The following NCAN variants were observed in gnomAD, a reference collection of about 807,000 sequenced individuals.
NCAN encodes neurocan, also known as neurocan core protein.
Under a neutral mutation model 121.8 loss-of-function variants are expected in NCAN, and 47 were observed. The ratio of observed to expected loss-of-function variants is 0.39; its 90% CI spans 0.31 to 0.49. The LOEUF is 0.49. NCAN is among the 20% of genes least tolerant of loss of function. The probability of loss-of-function intolerance (pLI) is 0.92; values close to 1 mark genes in which losing one functional copy is unlikely to be tolerated. For synonymous variants in NCAN, 633 were observed against 702.0 expected (o/e 0.90, Z 1.55); for missense variants, 1,517 against 1,773.4 (o/e 0.86, Z 2.60).
chr19:19,224,427 C>G lies in NCAN; in HGVS notation c.772C>G (p.Leu258Val). ...LYDVYCFARE[L>V]GGEVFYVGPA... ...CGATGTGTATTGCTTTGCCCGGGAG[C>G]TGGGGGGTAAGTCTGGGACTGGCAG... Residue 258 changes from leucine to valine, a missense_variant, in exon 5 of 15, where the codon CTG becomes GTG. Physicochemically the swap from Leu to Val is conservative, Grantham distance 32. Transcript: ENST00000252575. The G allele has an allele frequency of 1.9e-6, 3 of 1,613,196 alleles. No homozygotes were observed. The highest frequency in any genetic ancestry group is 2.5e-6 in the Non-Finnish European group (3 of 1,179,468).
At chr19:19,224,911 A>G in intron 5 of NCAN, 66 bp from the exon 6 acceptor site, 1 of 1,309,800 alleles carries the variant, frequency 7.6e-7, no homozygotes, top group Non-Finnish European at 9.9e-7. Context: ...TTGGAGTTGG[A>G]CCCACTTCCT....
Position 19,224,901 on chromosome 19 carries a change from T to A in NCAN, c.779-76T>A, listed in dbSNP as rs1024011158. The A allele has an allele frequency of 7.9e-6, 10 of 1,258,642 alleles. No individual in the cohort carries two copies. In the Admixed American group the frequency reaches 3.6e-4, roughly 45 times the overall value. The allele number at this position is 1,258,642 out of a possible 1,614,324, so 78.0% of individuals were successfully genotyped here. On this transcript the variant is annotated intron_variant, in intron 5 of 14. Coordinates refer to ENST00000252575, the MANE Select transcript of NCAN (RefSeq NM_004386.3). ...CCTAACACGTCCAGGTCGGAACTAT[T>A]TGGAGTTGGACCCACTTCCTGGGCT...
chr19:19,223,872 C>G, intron 3 of NCAN, 149 bp from the exon 4 acceptor site: 1 of 643,656 alleles, frequency 1.6e-6, no homozygotes, highest in Non-Finnish European at 2.3e-6. Flanking sequence ...GCATATGGAT[C>G]TTGCTCCCCA....
Position 19,227,985 on chromosome 19 carries a change from G to C in NCAN, c.2365G>C (p.Gly789Arg). 1.9e-6 allele frequency: 3 copies of C among 1,613,492 alleles called. No individual in the cohort carries two copies. The highest frequency in any genetic ancestry group is 2.5e-6 in the Non-Finnish European group (3 of 1,179,990). The change falls in exon 8 of 15, where the codon GGG (glycine) becomes CGG (arginine). Residue 789 changes from glycine to arginine, a missense_variant. Gly to Arg is a moderately radical substitution (Grantham distance 125). Coordinates refer to ENST00000252575, the MANE Select transcript of NCAN (RefSeq NM_004386.3). This position sits in a 1 kb window ranked among gnomAD's most constrained non-coding sequence, Gnocchi z 4.2. Reference sequence around the variant, plus strand: ...CCCCTGGCCCTCAGTGTACAGCAAAGGGCTGGATGCAAGTTCCCCATCTGC... The same window carrying C: ...CCCCTGGCCCTCAGTGTACAGCAAACGGCTGGATGCAAGTTCCCCATCTGC... ...QDPWPSVYSK[G>R]LDASSPSAPL...
Position 19,224,249 on chromosome 19 carries a change from T to A in NCAN, c.650+54T>A, listed in dbSNP as rs185865300. On this transcript the variant is annotated intron_variant, in intron 4 of 14. Coordinates refer to ENST00000252575, the MANE Select transcript of NCAN (RefSeq NM_004386.3). Reference sequence around the variant, plus strand: ...GAAGACTAGCTCATGGGGAAGGAGGTTCCTTGGGGGCTCCAGGAGCACACA... The same window carrying A: ...GAAGACTAGCTCATGGGGAAGGAGGATCCTTGGGGGCTCCAGGAGCACACA... 42 of 1,592,542 alleles carry A rather than the reference T, an allele frequency of 2.6e-5. No individual in the cohort carries two copies. In the Admixed American group the frequency reaches 6.3e-4, roughly 24 times the overall value.
At chr19:19,239,107 C>A (rs530559910) in intron 11 of NCAN, among the ~76,000 whole-genome samples, 1 of 152,036 alleles carries the variant, frequency 6.6e-6, no homozygotes, top group East Asian at 1.9e-4. Flanking sequence ...CCTATCTGCC[C>A]GTCCAGCGCC....
chr19:19,243,515 CAA>C (rs781710638), intron 12 of NCAN, among the ~76,000 whole-genome samples: 7 of 42,682 alleles, frequency 1.6e-4, no homozygotes, highest in African/African-American at 1.6e-4. Context: ...GACTCCATCT[CAA>C]AAAAAAAAAA....
Position 19,233,835 on chromosome 19 carries a change from A to G in NCAN, c.3066A>G (p.Thr1022=), listed in dbSNP as rs1245031905. The G allele has an allele frequency of 3.1e-6, 5 of 1,613,996 alleles. No individual in the cohort carries two copies. The East Asian group carries it at 1.1e-4, about 36-fold the overall frequency. ...ACAACCCTTGTCTTCATGGAGGGAC[A>G]TGTAATGCCAATGGCACCATGTATG... ...CENNPCLHGG[T]CNANGTMYGC... is the part of the protein sequence containing the mutation. Residue 1022 remains threonine, a synonymous_variant, in exon 9 of 15, where the codon ACA becomes ACG. Transcript: ENST00000252575.
Position 19,238,289 on chromosome 19 carries a change from A to G in NCAN, c.3287A>G (p.Gln1096Arg). 2.5e-6 allele frequency: 4 copies of G among 1,614,190 alleles called. No homozygotes were observed. Among genetic ancestry groups the G allele is most frequent in the Non-Finnish European group, 3.4e-6 (4 of 1,180,024 alleles). ...EGCDRGWHKF[Q>R]GHCYRYFAHR... ...TGTGACCGCGGCTGGCATAAGTTCC[A>G]GGGCCACTGTTACCGCTATTTTGCC... The change falls in exon 11 of 15, where the codon CAG (glutamine) becomes CGG (arginine). Residue 1096 changes from glutamine to arginine, a missense_variant. By Grantham distance (43) the Gln-to-Arg change is conservative. Coordinates refer to ENST00000252575, the MANE Select transcript of NCAN (RefSeq NM_004386.3).
chr19:19,245,301 CT>C lies in NCAN; in HGVS notation c.3493-11del, dbSNP rs1568603519. 2.5e-6 allele frequency: 4 copies of C among 1,613,650 alleles called. No individual in the cohort carries two copies. The highest frequency in any genetic ancestry group is 4.5e-5 in the East Asian group (2 of 44,878). On this transcript the variant is annotated splice_polypyrimidine_tract_variant and intron_variant, in intron 12 of 14. Coordinates refer to ENST00000252575, the MANE Select transcript of NCAN (RefSeq NM_004386.3). ...GGTCCCCTGAACAACTCCCTGCCCC[CT>C]ATTCCTGCAGCAATTTGAGAACTGG...
intron 13 of NCAN, 114 bp downstream of exon 13, chr19:19,245,571 G>C (rs1039861556): frequency 2.4e-6 from 3 of 1,255,512 alleles, no homozygotes; most frequent in Middle Eastern, 2.0e-4. Context: ...TCCACCGCCT[G>C]GGTTCAAGCC....
At chr19:19,229,024 A>G (rs576929044) in intron 8 of NCAN, among the ~76,000 whole-genome samples, 15 of 152,296 alleles carry the variant, frequency 9.8e-5, no homozygotes, top group African/African-American at 3.4e-4. Context: ...CCTGGCCAAC[A>G]TGGCAAAACT....
intron 8 of NCAN, among the ~76,000 whole-genome samples, chr19:19,230,351 C>T (rs1859055): frequency 0.039 from 5,924 of 151,676 alleles, 195 homozygotes; most frequent in East Asian, 0.13. Flanking sequence ...AGTCGAGTTG[C>T]ACACTTTTAT....
At chr19:19,214,953 GAGGTTTACA>G (rs1334964693) in intron 1 of NCAN, among the ~76,000 whole-genome samples, 1 of 152,210 alleles carries the variant, frequency 6.6e-6, no homozygotes, top group Non-Finnish European at 1.5e-5. Flanking sequence ...AGAGGTTGCT[GAGGTTTACA>G]AGTTGGTAGT....
chr19:19,239,717 C>T (rs2146553591), intron 11 of NCAN, among the ~76,000 whole-genome samples: 1 of 133,258 alleles, frequency 7.5e-6, no homozygotes, highest in South Asian at 2.6e-4. Context: ...CCCCTCCTCC[C>T]TCCTGCTCCT....
Position 19,227,706 on chromosome 19 carries a change from A to G in NCAN, c.2086A>G (p.Thr696Ala). ...AGGACAGGGTGGAGAGGCCATGCCC[A>G]CAACACCTGAGTCCCCCAGGGCAGA... ...PTGQGGEAMP[T>A]TPESPRADFR... The change falls in exon 8 of 15, where the codon ACA becomes GCA. Residue 696 changes from threonine to alanine, a missense_variant. Physicochemically the swap from Thr to Ala is moderately conservative, Grantham distance 58. Transcript: ENST00000252575. The surrounding 1 kb of genome is among the most constrained non-coding windows in gnomAD (Gnocchi z 4.2). The G allele has an allele frequency of 1.2e-6, 2 of 1,613,986 alleles. No homozygotes were observed. The highest frequency in any genetic ancestry group is 8.5e-7 in the Non-Finnish European group (1 of 1,180,026).
At chr19:19,223,051 G>A (rs898618345) in intron 3 of NCAN, among the ~76,000 whole-genome samples, 12 of 152,292 alleles carry the variant, frequency 7.9e-5, no homozygotes, top group African/African-American at 2.6e-4. Flanking sequence ...GGAGCTTGCA[G>A]TGAGCTGAGA....
intron 11 of NCAN, among the ~76,000 whole-genome samples, chr19:19,238,999 C>T (rs991450851): frequency 2.6e-5 from 4 of 152,150 alleles, no homozygotes; most frequent in Non-Finnish European, 2.9e-5. Flanking sequence ...TCCCATCCCT[C>T]GTGACTCCTT....
intron 1 of NCAN, among the ~76,000 whole-genome samples, chr19:19,214,555 C>A (rs1196613208): frequency 6.6e-6 from 1 of 152,082 alleles, no homozygotes; most frequent in African/African-American, 2.4e-5. Context: ...TTAAATTTAA[C>A]ATTTCTAGGA....
Sources: gnomAD v4.1 joint callset for allele counts (sites outside exome capture counted in the v4.1 genomes callset) on GRCh38, gnomAD v4.1.1 for gene constraint, Gnocchi (gnomAD v3.1) non-coding constraint, MANE v1.5 for transcripts, NCBI Gene and HGNC (gene_info 2026-07-23, HGNC 2026-07-21) for gene names.